The following NBPF12 variants were observed in gnomAD, a reference collection of about 807,000 sequenced individuals.
The protein encoded by NBPF12 is NBPF family member NBPF12.
Under a neutral mutation model 146.4 loss-of-function variants are expected in NBPF12, and 115 were observed. The ratio of observed to expected loss-of-function variants is 0.79; its 90% CI spans 0.68 to 0.92. NBPF12 has a LOEUF of 0.92. Ranked by LOEUF, NBPF12 falls within the 40% of genes least tolerant of loss-of-function variation. NBPF12 has a pLI of 0.00. For missense variants in NBPF12, 1,205 were observed against 1,326.8 expected (o/e 0.91, Z 1.43); for synonymous variants, 385 against 508.9 (o/e 0.76, Z 3.28).
chr1:146,957,814 G>A, intron 2 of NBPF12, among the ~76,000 whole-genome samples: 1 of 113,092 alleles, frequency 8.8e-6, no homozygotes. Context: ...CCCTCGCTCC[G>A]CCACTTAAAA....
At chr1:146,982,988 G>C (rs1423443415) in exon 20 of NBPF12, 11 of 1,609,314 alleles carry the variant, frequency 6.8e-6, no homozygotes, top group Non-Finnish European at 9.3e-6. Context: ...AAGGTTATTC[G>C]ACTCTCTCAA....
At chr1:146,941,758 C>CAAAAAAAAAAAAA (rs1226007703) in intron 1 of NBPF12, among the ~76,000 whole-genome samples, 2 of 61,838 alleles carry the variant, frequency 3.2e-5, no homozygotes, top group East Asian at 5.0e-4. Context: ...TGTCTTGTAC[C>CAAAAAAAAAAAAA]AAAAAAAAAA....
At chr1:146,967,593 C>T (rs1656288907) in intron 9 of NBPF12, among the ~76,000 whole-genome samples, 1 of 150,090 alleles carries the variant, frequency 6.7e-6, no homozygotes, top group Non-Finnish European at 1.5e-5. Context: ...GAGTCTTGTT[C>T]CTAAAGAGGA....
intron 2 of NBPF12, among the ~76,000 whole-genome samples, chr1:146,956,130 G>A (rs1375171528): frequency 6.6e-6 from 1 of 151,700 alleles, no homozygotes; most frequent in Non-Finnish European, 1.5e-5. Flanking sequence ...CGGAATGATA[G>A]AAATGTCCAA....
At chr1:146,954,084 T>C (rs1655445246) in intron 2 of NBPF12, among the ~76,000 whole-genome samples, 2 of 144,702 alleles carry the variant, frequency 1.4e-5, no homozygotes, top group South Asian at 4.3e-4. Context: ...TCTAAATACA[T>C]GTTGTGCTTA....
At chr1:146,947,076 A>G (rs1553883416), upstream of NBPF12, among the ~76,000 whole-genome samples, 5,902 of 151,850 alleles carry the variant, frequency 0.039, 281 homozygotes, top group East Asian at 0.21. Flanking sequence ...TATTTGGGTT[A>G]CTGTAGCTTA....
chr1:146,948,534 G>C (rs2101818662), upstream of NBPF12, among the ~76,000 whole-genome samples: 1 of 151,966 alleles, frequency 6.6e-6, no homozygotes, highest in Admixed American at 6.6e-5. Flanking sequence ...TTAAACAAAT[G>C]CTTGAAGGCA....
Position 146,970,787 on chromosome 1 carries a change from C to G in NBPF12, c.1379+68C>G, listed in dbSNP as rs1656554060. On this transcript the variant is annotated intron_variant, in intron 12 of 33. Transcript: ENST00000617844. Reference sequence around the variant, plus strand: ...TGAAAATGTCTAGGAGGCATGCCCTCTCTGGCATCTATGATGGGCCAAAAG... The same window carrying G: ...TGAAAATGTCTAGGAGGCATGCCCTGTCTGGCATCTATGATGGGCCAAAAG... 25 of 1,227,758 alleles carry G rather than the reference C, an allele frequency of 2.0e-5. No homozygotes were observed. The Admixed American group carries it at 4.0e-4, about 20-fold the overall frequency. 76.1% of individuals were successfully genotyped at this position (1,227,758 alleles called of 1,614,324 possible).
chr1:146,965,962 G>T (rs1656176182), intron 8 of NBPF12, among the ~76,000 whole-genome samples: 2 of 151,446 alleles, frequency 1.3e-5, no homozygotes, highest in Non-Finnish European at 2.9e-5. Context: ...ACAAAAATTA[G>T]CTGTCATGTT....
chr1:146,970,080 A>G (rs1656490539), intron 11 of NBPF12, among the ~76,000 whole-genome samples: 1 of 150,110 alleles, frequency 6.7e-6, no homozygotes, highest in Admixed American at 6.6e-5. Context: ...AATGCTTTTC[A>G]AAATGAGATG....
rs1442526662 is a variant in NBPF12 at position 146,957,860 on chromosome 1, G to A, written c.-183-1999G>A. Among the ~76,000 whole-genome samples the A allele has an allele frequency of 9.4e-5, 8 of 84,678 alleles. 2 individuals are homozygous for A. In the East Asian group the frequency reaches 3.1e-3, roughly 33 times the overall value. The allele number at this position is 84,678 out of a possible 152,430, so 55.6% of individuals were successfully genotyped here. ...AAATATAATATATATATATATACACGTGTTATATATATTGTATATTATGTA... is the reference window on the plus strand; with the variant it reads ...AAATATAATATATATATATATACACATGTTATATATATTGTATATTATGTA... On this transcript the variant is annotated intron_variant, in intron 2 of 33. Coordinates refer to ENST00000617844, the Ensembl canonical transcript of NBPF12.
At chr1:146,992,508 GTGTGTC>G (rs1658260393) in intron 31 of NBPF12, among the ~76,000 whole-genome samples, 198 bp from the exon 35 acceptor site, 1 of 122,990 alleles carries the variant, frequency 8.1e-6, no homozygotes. Flanking sequence ...GTGTGTGTGT[GTGTGTC>G]TATCTGTCTT....
chr1:146,955,011 T>C (rs1448201160), intron 2 of NBPF12, among the ~76,000 whole-genome samples: 1,085 of 78,748 alleles, frequency 0.014, 60 homozygotes, highest in African/African-American at 0.038. Flanking sequence ...TATATATATA[T>C]ATACACACAC....
chr1:146,947,931 T>A (rs1216299159), upstream of NBPF12, among the ~76,000 whole-genome samples: 4 of 152,150 alleles, frequency 2.6e-5, no homozygotes, highest in South Asian at 6.2e-4. Flanking sequence ...AGGAATTTTT[T>A]AAAATCTGCT....
At chr1:146,973,967 C>T (rs1465242083) in intron 14 of NBPF12, among the ~76,000 whole-genome samples, 8 of 150,934 alleles carry the variant, frequency 5.3e-5, no homozygotes, top group Admixed American at 1.3e-4. Context: ...GTCTCCTGGG[C>T]TCCATCCAAG....
rs1434822948 is a variant in NBPF12, at chr1:146,957,977, ATATG to A, written c.-183-1880_-183-1877del. 1.5e-3 allele frequency among the ~76,000 whole-genome samples: 164 copies of A among 107,226 alleles called. 7 individuals carry two copies. The highest frequency in any genetic ancestry group is 5.0e-3 in the African/African-American group (149 of 29,626). The allele number at this position is 107,226 out of a possible 152,430, so 70.3% of individuals were successfully genotyped here. A position where few individuals can be genotyped will look rare whatever the true frequency, so the allele number is the denominator to read the frequency against. ...TTTATATATACGTGTATACATGTAT[ATATG>A]TGTGTGTATATATATATATACATGT... On this transcript the variant is annotated intron_variant, in intron 2 of 33. Transcript: ENST00000617844.
upstream of NBPF12, among the ~76,000 whole-genome samples, chr1:146,944,668 G>A (rs1180638127): frequency 6.6e-6 from 1 of 151,820 alleles, no homozygotes; most frequent in African/African-American, 2.4e-5. Flanking sequence ...CATGGAAACA[G>A]TATATAGTTT....
intron 1 of NBPF12, among the ~76,000 whole-genome samples, chr1:146,950,325 C>G (rs1166166682): frequency 6.6e-6 from 1 of 151,940 alleles, no homozygotes; most frequent in Non-Finnish European, 1.5e-5. Flanking sequence ...ACATAATTCC[C>G]TTACCTCTGT....
At chr1:146,972,563 A>C (rs1276654919) in intron 13 of NBPF12, among the ~76,000 whole-genome samples, 188 bp from the exon 17 acceptor site, 4 of 151,628 alleles carry the variant, frequency 2.6e-5, no homozygotes, top group African/African-American at 9.8e-5. Context: ...CCTGGTTTCA[A>C]GGTGACTGCA....
Sources: gnomAD v4.1 joint callset for allele counts (sites outside exome capture counted in the v4.1 genomes callset) on GRCh38, gnomAD v4.1.1 for gene constraint, MANE v1.5 for transcripts, NCBI Gene and HGNC (gene_info 2026-07-23, HGNC 2026-07-21) for gene names.